VASH2: variants seen among roughly 807,000 people sequenced by gnomAD.
VASH2 encodes vasohibin 2.
Under a neutral mutation model 37.2 loss-of-function variants are expected in VASH2, and 28 were observed. The observed-to-expected ratio is 0.75, with a 90% CI of 0.56 to 1.03. VASH2 has a LOEUF of 1.03. Ranked by LOEUF, VASH2 falls within the 50% of genes least tolerant of loss-of-function variation. VASH2 has a pLI of 0.00. For synonymous variants in VASH2, 188 were observed against 174.7 expected, an observed-to-expected ratio of 1.08 and a Z score of -0.60; for missense variants, 419 against 459.1, an observed-to-expected ratio of 0.91 and a Z score of 0.80.
chr1:212,972,950 A>C lies in VASH2; in HGVS notation c.868A>C (p.Met290Leu), dbSNP rs149392900. The C allele has an allele frequency of 2.9e-3, 4,719 of 1,611,562 alleles. 6 individuals carry two copies. Among genetic ancestry groups the C allele is most frequent in the Non-Finnish European group, 3.6e-3 (4,293 of 1,180,000 alleles). The change falls in exon 6 of 8, where the codon ATG becomes CTG. Residue 290 changes from methionine to leucine, a missense_variant. Physicochemically the swap from Met to Leu is conservative, Grantham distance 15. Coordinates refer to ENST00000517399, the MANE Select transcript of VASH2 (RefSeq NM_001301056.2). Reference protein sequence around the residue: ...RKELEKYARDMRMKILKPASA... With the variant: ...RKELEKYARDLRMKILKPASA... ...GGAGCTGGAGAAATATGCCAGGGACATGAGAATGAAGGTGGGTGCTGGGAA... is the reference window on the plus strand; with the variant it reads ...GGAGCTGGAGAAATATGCCAGGGACCTGAGAATGAAGGTGGGTGCTGGGAA...
Position 212,951,621 on chromosome 1 carries a change from G to A in VASH2, c.79G>A (p.Ala27Thr), listed in dbSNP as rs750333194. The change falls in exon 2 of 8, where the codon GCG becomes ACG. Residue 27 changes from alanine (A) to threonine (T), a missense_variant. Coordinates refer to ENST00000517399, the MANE Select transcript of VASH2 (RefSeq NM_001301056.2). This position sits in a 1 kb window ranked among gnomAD's most constrained non-coding sequence, Gnocchi z 4.4. ...AKGTRSRSSH[A>T]RPVSLATSGG... Reference sequence around the variant, plus strand: ...AGGCACCCGGTCCCGGAGCAGCCACGCGCGGCCCGTGAGCCTCGCCACCAG... The same window carrying A: ...AGGCACCCGGTCCCGGAGCAGCCACACGCGGCCCGTGAGCCTCGCCACCAG... 1 of 1,564,938 alleles carries A rather than the reference G, an allele frequency of 6.4e-7. No individual in the cohort carries two copies. The highest frequency in any genetic ancestry group is 8.7e-7 in the Non-Finnish European group (1 of 1,154,950).
chr1:212,956,873 A>T (rs1284872592), intron 2 of VASH2, among the ~76,000 whole-genome samples: 1 of 152,202 alleles, frequency 6.6e-6, no homozygotes, highest in African/African-American at 2.4e-5. Flanking sequence ...AGATATATAT[A>T]TGATACAGTT....
At chr1:212,954,506 C>T (rs1666422301) in intron 2 of VASH2, among the ~76,000 whole-genome samples, 1 of 152,152 alleles carries the variant, frequency 6.6e-6, no homozygotes, top group African/African-American at 2.4e-5. Context: ...CTGCAACCTC[C>T]ACCTCCCGGG....
At chr1:212,967,281 C>A (rs1337251893) in intron 5 of VASH2, 1 of 1,272,468 alleles carries the variant, frequency 7.9e-7, no homozygotes. Flanking sequence ...CATCCCTGCA[C>A]AATTTTATAC....
In VASH2 at chr1:212,990,716, T is replaced by G. The variant is rs1558156912; in HGVS notation, c.*2132T>G. Reference sequence around the variant, plus strand: ...TGGCTTGATGGTTCAATTAGTAAGCTAATTTCTCCCACACCCGCTCCTTGA... The same window carrying G: ...TGGCTTGATGGTTCAATTAGTAAGCGAATTTCTCCCACACCCGCTCCTTGA... On this transcript the variant is annotated 3_prime_UTR_variant, in exon 8 of 8. Transcript: ENST00000517399. The G allele has an allele frequency of 6.6e-6, 1 of 152,226 alleles. No individual in the cohort carries two copies. The highest frequency in any genetic ancestry group is 2.1e-4 in the South Asian group (1 of 4,836). The allele number at this position is 152,226 out of a possible 1,614,324, so 9.4% of individuals were successfully genotyped here.
At chr1:212,958,950 A>T (rs940381459) in intron 2 of VASH2, among the ~76,000 whole-genome samples, 9 of 151,222 alleles carry the variant, frequency 6.0e-5, no homozygotes, top group African/African-American at 1.7e-4. Flanking sequence ...GCTGGTCTCG[A>T]ACTTCTGGGC....
intron 5 of VASH2, among the ~76,000 whole-genome samples, chr1:212,969,708 T>G (rs1666953017): frequency 6.6e-6 from 1 of 152,212 alleles, no homozygotes; most frequent in Non-Finnish European, 1.5e-5. Context: ...CTTTTCTCTT[T>G]GCTTTGGTCA....
chr1:212,961,085 T>G, intron 2 of VASH2, 81 bp from the exon 3 acceptor site: 1 of 1,383,852 alleles, frequency 7.2e-7, no homozygotes, highest in East Asian at 2.3e-5. Flanking sequence ...CTCTGGTGGC[T>G]TTAGCCCTCT....
intron 5 of VASH2, among the ~76,000 whole-genome samples, chr1:212,969,846 T>C (rs868808521): frequency 2.0e-5 from 3 of 152,350 alleles, no homozygotes; most frequent in Middle Eastern, 6.8e-3. Flanking sequence ...GCTTGGCTGC[T>C]TGGACGCCTG....
At position 212,965,791 on chromosome 1, in the gene VASH2, T is replaced by C. The variant is rs939188051; in HGVS notation, c.422+13T>C. ...GACCGCTGAGTGGGTAAGTGGTGCA[T>C]GATCTATGGGCCAGATGACCTCTCT... On this transcript the variant is annotated intron_variant, in intron 4 of 7. Transcript: ENST00000517399. The C allele has an allele frequency of 1.3e-6, 2 of 1,550,962 alleles. No homozygotes were observed. The highest frequency in any genetic ancestry group is 8.7e-7 in the Non-Finnish European group (1 of 1,146,008).
intron 2 of VASH2, among the ~76,000 whole-genome samples, chr1:212,954,781 C>T (rs548818527): frequency 3.5e-4 from 54 of 152,308 alleles, no homozygotes; most frequent in African/African-American, 1.2e-3. Context: ...TAGAAGGTTA[C>T]GCGAAAACTG....
chr1:212,968,529 G>C (rs1666914236), intron 5 of VASH2: 1 of 985,342 alleles, frequency 1.0e-6, no homozygotes, highest in Non-Finnish European at 1.2e-6. Context: ...AAACCAGATT[G>C]ACCACAGGTG....
intron 7 of VASH2, chr1:212,974,813 T>C (rs1667121565): frequency 6.6e-6 from 1 of 152,244 alleles, no homozygotes; most frequent in South Asian, 2.1e-4. Context: ...TGTGGCACAG[T>C]GCACAGGGGG....
chr1:212,974,296 G>A (rs765980237), intron 7 of VASH2, among the ~76,000 whole-genome samples: 1 of 152,172 alleles, frequency 6.6e-6, no homozygotes, highest in East Asian at 1.9e-4. Flanking sequence ...GGAGGGATAA[G>A]CCCCAGGCAG....
At position 212,982,836 on chromosome 1, in the gene VASH2, A is replaced by C. The variant is rs1197249180; in HGVS notation, c.996-5676A>C. ...GAAGGTGGCAGGGGTGGGGATACAG[A>C]AGAAGAAGATGACCTAGTCCCTTTC... On this transcript the variant is annotated intron_variant, in intron 7 of 7. Coordinates refer to ENST00000517399, the MANE Select transcript of VASH2 (RefSeq NM_001301056.2). 2.0e-5 allele frequency among the ~76,000 whole-genome samples: 3 copies of C among 152,290 alleles called. No individual in the cohort carries two copies. In the East Asian group the frequency reaches 5.8e-4, roughly 29 times the overall value.
chr1:212,984,445 G>T (rs1251533826), intron 7 of VASH2, among the ~76,000 whole-genome samples: 1 of 152,174 alleles, frequency 6.6e-6, no homozygotes, highest in Non-Finnish European at 1.5e-5. Context: ...AGCCTACCCT[G>T]TAGGCTGTTC....
Position 212,987,203 on chromosome 1 carries a change from A to G in VASH2, c.996-1309A>G, listed in dbSNP as rs559094881. ...GGGAAAAACCATTAGCTGTTAGGAA[A>G]TCTTTCAAGGGCATAAAATAAGAAA... On this transcript the variant is annotated intron_variant, in intron 7 of 7. Coordinates refer to ENST00000517399, the MANE Select transcript of VASH2 (RefSeq NM_001301056.2). Among the ~76,000 whole-genome samples the G allele has an allele frequency of 7.9e-5, 12 of 152,146 alleles. 1 individual carries two copies. In the East Asian group the frequency reaches 1.5e-3, roughly 20 times the overall value.
intron 5 of VASH2, among the ~76,000 whole-genome samples, chr1:212,969,514 C>G (rs1185590123): frequency 6.6e-6 from 1 of 152,090 alleles, no homozygotes; most frequent in Non-Finnish European, 1.5e-5. Flanking sequence ...TTTTTTGAGA[C>G]GGAGTCTCGG....
At chr1:212,956,448 T>G (rs1393692104) in intron 2 of VASH2, among the ~76,000 whole-genome samples, 1 of 152,186 alleles carries the variant, frequency 6.6e-6, no homozygotes. Context: ...TGGCCACGGC[T>G]GTGGGGCTAA....
Sources: allele counts gnomAD v4.1 joint callset (sites outside exome capture counted in the v4.1 genomes callset), GRCh38; gene constraint gnomAD v4.1.1; non-coding constraint Gnocchi (gnomAD v3.1); transcripts MANE v1.5; gene names NCBI Gene and HGNC (gene_info 2026-07-23, HGNC 2026-07-21).